NEGR1: variants seen among roughly 807,000 people sequenced by gnomAD.
NEGR1 encodes IgLON family member 4.
A neutral mutation model predicts 40.9 loss-of-function variants in NEGR1; 10 were observed. The ratio of observed to expected loss-of-function variants is 0.24; its 90% CI spans 0.15 to 0.42. The LOEUF is 0.42. Among genes scored for constraint, NEGR1 ranks in the 10% least tolerant of loss-of-function variants. The pLI is 1.00. For synonymous variants in NEGR1, 185 were observed against 166.8 expected (o/e 1.11, Z -0.84); for missense variants, 352 against 438.9 (o/e 0.80, Z 1.77).
At chr1:72,151,948 G>C (rs1479886164) in intron 1 of NEGR1, among the ~76,000 whole-genome samples, 1 of 151,654 alleles carries the variant, frequency 6.6e-6, no homozygotes, top group Non-Finnish European at 1.5e-5. Flanking sequence ...AGAATATTTG[G>C]ATTTGTTTCT....
chr1:71,451,415 C>G (rs1646627303), intron 6 of NEGR1, among the ~76,000 whole-genome samples: 1 of 149,822 alleles, frequency 6.7e-6, no homozygotes, highest in African/African-American at 2.5e-5. Flanking sequence ...CTCACTGCAA[C>G]CTCCGCCTCC....
At chr1:71,469,197 A>G (rs1646766529) in intron 6 of NEGR1, among the ~76,000 whole-genome samples, 1 of 152,082 alleles carries the variant, frequency 6.6e-6, no homozygotes, top group African/African-American at 2.4e-5. Flanking sequence ...CTTTGAACAC[A>G]TAGTTTGTCA....
At position 71,407,335 on chromosome 1, in the gene NEGR1, T is replaced by C. The variant is rs1646284690; in HGVS notation, c.*111A>G. On this transcript the variant is annotated 3_prime_UTR_variant, in exon 7 of 7. Coordinates refer to ENST00000357731, the MANE Select transcript of NEGR1 (RefSeq NM_173808.3). Reference sequence around the variant, plus strand: ...ATTCTACAGAAGGCGATCATCCCCATGTAAGCACTGCTGATTATATCCCAC... The same window carrying C: ...ATTCTACAGAAGGCGATCATCCCCACGTAAGCACTGCTGATTATATCCCAC... 1 of 892,630 alleles carries C rather than the reference T, an allele frequency of 1.1e-6. No individual in the cohort carries two copies. Among genetic ancestry groups the C allele is most frequent in the Non-Finnish European group, 1.8e-6 (1 of 570,984 alleles). The allele number at this position is 892,630 out of a possible 1,614,324, so 55.3% of individuals were successfully genotyped here. A position where few individuals can be genotyped will look rare whatever the true frequency, so the allele number is the denominator to read the frequency against.
chr1:71,556,536 T>C (rs908431630), intron 6 of NEGR1, among the ~76,000 whole-genome samples: 9 of 151,554 alleles, frequency 5.9e-5, no homozygotes, highest in Non-Finnish European at 8.9e-5. Context: ...ATCTTGGATA[T>C]ACACAACATT....
At position 72,167,861 on chromosome 1, in the gene NEGR1, A is replaced by G. The variant is rs887531365; in HGVS notation, c.176+114458T>C. Among the ~76,000 whole-genome samples the G allele has an allele frequency of 9.2e-5, 14 of 152,078 alleles. No homozygotes were observed. The East Asian group carries it at 2.5e-3, about 27-fold the overall frequency. On this transcript the variant is annotated intron_variant, in intron 1 of 6. Coordinates refer to ENST00000357731, the MANE Select transcript of NEGR1 (RefSeq NM_173808.3). ...CTTTCTTCAACTAATGTGTCATTCT[A>G]CATTTATTAGTTTATAAAACTCATC...
chr1:72,260,766 A>G (rs973119217), intron 1 of NEGR1, among the ~76,000 whole-genome samples: 4 of 152,116 alleles, frequency 2.6e-5, no homozygotes, highest in African/African-American at 9.7e-5. Context: ...TTCACACTTG[A>G]TTCAGTATTT....
At chr1:71,610,553 A>T (rs1650219270) in intron 5 of NEGR1, among the ~76,000 whole-genome samples, 1 of 152,220 alleles carries the variant, frequency 6.6e-6, no homozygotes, top group African/African-American at 2.4e-5. Context: ...CTTTAGTGAC[A>T]GAATATCTAA....
chr1:72,127,980 T>C (rs1375049448), intron 1 of NEGR1, among the ~76,000 whole-genome samples: 1 of 152,176 alleles, frequency 6.6e-6, no homozygotes, highest in African/African-American at 2.4e-5. Context: ...GATATGAGAA[T>C]ACACAGTCTA....
intron 1 of NEGR1, among the ~76,000 whole-genome samples, chr1:72,049,762 C>T (rs1302879002): frequency 6.6e-6 from 1 of 151,446 alleles, no homozygotes; most frequent in Admixed American, 6.6e-5. Context: ...TCTTTGTATC[C>T]CAATTTTTGG....
intron 1 of NEGR1, among the ~76,000 whole-genome samples, chr1:72,112,656 A>C (rs1462719342): frequency 6.7e-6 from 1 of 150,196 alleles, no homozygotes; most frequent in Non-Finnish European, 1.5e-5. Flanking sequence ...GCAGACTAAA[A>C]AGATAATTTC....
intron 2 of NEGR1, among the ~76,000 whole-genome samples, chr1:71,928,357 T>TACACACAC (rs1645813435): frequency 2.3e-5 from 2 of 86,092 alleles, no homozygotes; most frequent in Non-Finnish European, 4.5e-5. Context: ...TGTGTATATA[T>TACACACAC]ATATACACAT....
At chr1:71,436,918 G>A (rs1315753193) in intron 6 of NEGR1, among the ~76,000 whole-genome samples, 1 of 152,120 alleles carries the variant, frequency 6.6e-6, no homozygotes, top group African/African-American at 2.4e-5. Flanking sequence ...AAGGCTTCTA[G>A]CCAATAGTAG....
chr1:71,888,519 A>T (rs1044303488), intron 2 of NEGR1, among the ~76,000 whole-genome samples: 1 of 151,210 alleles, frequency 6.6e-6, no homozygotes, highest in African/African-American at 2.4e-5. Context: ...CGGCTTAAAA[A>T]ACGGCGCACC....
intron 1 of NEGR1, among the ~76,000 whole-genome samples, chr1:71,952,999 A>G (rs927640451): frequency 6.6e-6 from 1 of 151,358 alleles, no homozygotes; most frequent in East Asian, 1.9e-4. Flanking sequence ...ACTACTGCTT[A>G]CTAACAGAAA....
At chr1:72,217,940 T>C (rs1299497398) in intron 1 of NEGR1, among the ~76,000 whole-genome samples, 2 of 151,868 alleles carry the variant, frequency 1.3e-5, no homozygotes, top group Admixed American at 6.6e-5. Context: ...ATAGACAAGA[T>C]AATATGTAGT....
At chr1:71,622,423 A>C (rs1164088650) in intron 4 of NEGR1, among the ~76,000 whole-genome samples, 1 of 151,974 alleles carries the variant, frequency 6.6e-6, no homozygotes, top group East Asian at 1.9e-4. Flanking sequence ...TTTTTCTAAT[A>C]TTGAAGGCGT....
intron 6 of NEGR1, among the ~76,000 whole-genome samples, chr1:71,552,718 T>C (rs1346778557): frequency 1.3e-5 from 2 of 151,150 alleles, no homozygotes; most frequent in Admixed American, 6.6e-5. Flanking sequence ...CTCAGTTCCA[T>C]AATGAGGTCT....
intron 1 of NEGR1, among the ~76,000 whole-genome samples, chr1:72,185,559 G>A (rs765322854): frequency 1.3e-5 from 2 of 151,674 alleles, no homozygotes; most frequent in Non-Finnish European, 2.9e-5. Context: ...CTACACAAAT[G>A]GAAATGGAAT....
chr1:71,502,078 C>A (rs1647003307), intron 6 of NEGR1, among the ~76,000 whole-genome samples: 1 of 152,022 alleles, frequency 6.6e-6, no homozygotes, highest in African/African-American at 2.4e-5. Context: ...TGTAAGAAAA[C>A]ATTTTAAATG....
Sources: gnomAD v4.1 joint callset for allele counts (sites outside exome capture counted in the v4.1 genomes callset) on GRCh38, gnomAD v4.1.1 for gene constraint, MANE v1.5 for transcripts, NCBI Gene and HGNC (gene_info 2026-07-23, HGNC 2026-07-21) for gene names.